The following CMIP variants were observed in gnomAD, a reference collection of about 807,000 sequenced individuals.
The protein encoded by CMIP is c-Maf inducing protein, also known as C-Maf-inducing protein.
CMIP carries 13 observed loss-of-function variants against 97.3 expected under a neutral mutation model. The observed-to-expected ratio is 0.13, with a 90% CI of 0.09 to 0.21. The LOEUF is 0.21. Among genes scored for constraint, CMIP ranks in the 10% least tolerant of loss-of-function variants. The probability of loss-of-function intolerance (pLI) is 1.00; values close to 1 mark genes in which losing one functional copy is unlikely to be tolerated. For missense variants in CMIP, 847 were observed against 1,024.9 expected, an observed-to-expected ratio of 0.83 and a Z score of 2.37; for synonymous variants, 538 against 436.3, an observed-to-expected ratio of 1.23 and a Z score of -2.91.
rs530314099 is a variant in CMIP at position 81,606,725 on chromosome 16, A to T, written c.301-842A>T. 2.6e-5 allele frequency among the ~76,000 whole-genome samples: 4 copies of T among 152,342 alleles called. No individual in the cohort carries two copies. The South Asian group carries it at 8.3e-4, about 32-fold the overall frequency. On this transcript the variant is annotated intron_variant, in intron 1 of 20. Coordinates refer to ENST00000537098, the MANE Select transcript of CMIP (RefSeq NM_198390.3). ...TGGCCAGGAGGCAGACATCCAACAGATAATGACACAGAATAAAGCCACAAA... is the reference window on the plus strand; with the variant it reads ...TGGCCAGGAGGCAGACATCCAACAGTTAATGACACAGAATAAAGCCACAAA...
chr16:81,581,290 A>C (rs1427245090), intron 1 of CMIP, among the ~76,000 whole-genome samples: 1 of 152,088 alleles, frequency 6.6e-6, no homozygotes, highest in Non-Finnish European at 1.5e-5. Flanking sequence ...ACGTTCCGGG[A>C]AGCGCGTAGT....
chr16:81,613,927 C>T (rs2091871452), intron 2 of CMIP, among the ~76,000 whole-genome samples: 1 of 152,312 alleles, frequency 6.6e-6, no homozygotes, highest in Non-Finnish European at 1.5e-5. Context: ...AAACATTTCT[C>T]CGGGTTTCAT....
chr16:81,628,697 T>C (rs1444761323), intron 3 of CMIP, among the ~76,000 whole-genome samples: 1 of 152,000 alleles, frequency 6.6e-6, no homozygotes, highest in East Asian at 1.9e-4. Context: ...ACCCAGACAC[T>C]TCTCACACCT....
rs530323513 is a variant in CMIP at position 81,693,612 on chromosome 16, G to T, written c.1530+125G>T. ...TCAGAACAGCTTTCAGAGACCCATT[G>T]CCTGTGTATAAACACATCCCCGCCT... On this transcript the variant is annotated intron_variant, in intron 13 of 20. Coordinates refer to ENST00000537098, the MANE Select transcript of CMIP (RefSeq NM_198390.3). The T allele has an allele frequency of 3.8e-6, 4 of 1,045,326 alleles. No homozygotes were observed. In the African/African-American group the frequency reaches 6.4e-5, roughly 17 times the overall value. The allele number at this position is 1,045,326 out of a possible 1,614,324, so 64.8% of individuals were successfully genotyped here. A position where few individuals can be genotyped will look rare whatever the true frequency, so the allele number is the denominator to read the frequency against.
At chr16:81,532,036 G>A (rs1340413487) in intron 1 of CMIP, among the ~76,000 whole-genome samples, 2 of 152,336 alleles carry the variant, frequency 1.3e-5, no homozygotes, top group East Asian at 3.9e-4. Context: ...CAGGCACTAA[G>A]TCGGGCGCTT....
At chr16:81,503,019 A>G (rs2089640931) in intron 1 of CMIP, among the ~76,000 whole-genome samples, 1 of 151,858 alleles carries the variant, frequency 6.6e-6, no homozygotes, top group African/African-American at 2.4e-5. Context: ...CAGTCTGTTA[A>G]GCAGCCAGAG....
chr16:81,648,758 G>C (rs1776930885), intron 3 of CMIP, among the ~76,000 whole-genome samples: 1 of 118,618 alleles, frequency 8.4e-6, no homozygotes. Flanking sequence ...ACTCCAGCTT[G>C]AGTGACAGAG....
intron 1 of CMIP, among the ~76,000 whole-genome samples, chr16:81,521,506 A>T (rs1373270472): frequency 2.6e-5 from 4 of 152,122 alleles, no homozygotes; most frequent in Admixed American, 2.0e-4. Context: ...GGGTTGCAAC[A>T]ATAGCATTTC....
In CMIP at chr16:81,517,949, A is replaced by G. The variant is rs2089948048; in HGVS notation, c.300+72408A>G. The stretch of plus-strand genomic sequence containing the variant: ...CGAGATTCAAGGATTTTCTAGGAAA[A>G]TGAACGCCAGTGGATGTGTGGAATT... On this transcript the variant is annotated intron_variant, in intron 1 of 20. Coordinates refer to ENST00000537098, the MANE Select transcript of CMIP (RefSeq NM_198390.3). The G allele has an allele frequency of 6.1e-6, 6 of 980,886 alleles. No individual in the cohort carries two copies. The South Asian group carries it at 1.4e-4, about 23-fold the overall frequency. 60.8% of individuals were successfully genotyped at this position (980,886 alleles called of 1,614,324 possible).
chr16:81,577,041 C>T (rs12930305), intron 1 of CMIP, among the ~76,000 whole-genome samples: 1 of 132,012 alleles, frequency 7.6e-6, no homozygotes, highest in Non-Finnish European at 1.6e-5. Flanking sequence ...TCACCATCAT[C>T]ACCATCATAA....
At chr16:81,693,333 C>A in intron 12 of CMIP, 106 bp from the exon 13 acceptor site, 2 of 1,489,470 alleles carry the variant, frequency 1.3e-6, no homozygotes, top group Non-Finnish European at 9.2e-7. Flanking sequence ...CACCGCCTTG[C>A]CCAGCTCCCT....
chr16:81,675,215 G>GT (rs1001415294), intron 9 of CMIP, among the ~76,000 whole-genome samples: 38 of 151,900 alleles, frequency 2.5e-4, no homozygotes, highest in Non-Finnish European at 4.7e-4. Context: ...TGGTTTTTGG[G>GT]TTTTTTTGGA....
intron 1 of CMIP, among the ~76,000 whole-genome samples, chr16:81,589,852 G>A (rs908793765): frequency 2.6e-5 from 4 of 152,204 alleles, no homozygotes; most frequent in African/African-American, 9.6e-5. Flanking sequence ...GAATGAATCT[G>A]TTTAGTGAAA....
chr16:81,645,819 A>G, intron 3 of CMIP: 1 of 590,740 alleles, frequency 1.7e-6, no homozygotes, highest in Non-Finnish European at 3.0e-6. Context: ...TTAGCCAGGA[A>G]CTGAGCTAAG....
At chr16:81,593,024 C>T (rs1020366104) in intron 1 of CMIP, among the ~76,000 whole-genome samples, 1 of 152,238 alleles carries the variant, frequency 6.6e-6, no homozygotes, top group African/African-American at 2.4e-5. Flanking sequence ...TTCTCATGCC[C>T]ACGAAGATGA....
At chr16:81,651,492 G>T (rs910398974) in intron 3 of CMIP, 34 of 508,014 alleles carry the variant, frequency 6.7e-5, no homozygotes, top group African/African-American at 5.4e-4. Flanking sequence ...TCCCGGGGGA[G>T]CATTCCAGGT....
chr16:81,462,299 G>A (rs1906942622), intron 1 of CMIP, among the ~76,000 whole-genome samples: 1 of 152,144 alleles, frequency 6.6e-6, no homozygotes, highest in Non-Finnish European at 1.5e-5. Flanking sequence ...TGTGCTGAAA[G>A]CTATGGATCC....
chr16:81,674,725 A>G (rs2092712552), intron 9 of CMIP, among the ~76,000 whole-genome samples: 2 of 152,166 alleles, frequency 1.3e-5, no homozygotes, highest in African/African-American at 2.4e-5. Context: ...AGCTGAGATT[A>G]TAGGTGTGGG....
chr16:81,544,211 C>G (rs1159553100), intron 1 of CMIP, among the ~76,000 whole-genome samples: 1 of 152,238 alleles, frequency 6.6e-6, no homozygotes, highest in Non-Finnish European at 1.5e-5. Context: ...CGGAGACAGA[C>G]TCAAGTCATG....
Sources: allele counts gnomAD v4.1 joint callset (sites outside exome capture counted in the v4.1 genomes callset), GRCh38; gene constraint gnomAD v4.1.1; transcripts MANE v1.5; gene names NCBI Gene and HGNC (gene_info 2026-07-23, HGNC 2026-07-21).